The following SLC39A10 variants were observed in gnomAD, a reference collection of about 807,000 sequenced individuals.
SLC39A10 encodes the protein zinc transporter ZIP10.
A neutral mutation model predicts 65.1 loss-of-function variants in SLC39A10; 13 were observed. The ratio of observed to expected loss-of-function variants is 0.20; its 90% CI spans 0.13 to 0.32. The LOEUF is 0.32. Among genes scored for constraint, SLC39A10 ranks in the 10% least tolerant of loss-of-function variants. The pLI is 1.00. For synonymous variants in SLC39A10, 321 were observed against 342.2 expected (o/e 0.94, Z 0.68); for missense variants, 831 against 1,018.4 (o/e 0.82, Z 2.50).
chr2:195,657,548 C>T (rs1689198236), intron 1 of SLC39A10: 1 of 983,670 alleles, frequency 1.0e-6, no homozygotes, highest in South Asian at 4.7e-5. Context: ...GCCGCGGGAT[C>T]GGGAGCCGGC....
intron 1 of SLC39A10, among the ~76,000 whole-genome samples, chr2:195,672,482 T>C (rs1647134501): frequency 6.6e-6 from 1 of 152,154 alleles, no homozygotes; most frequent in Non-Finnish European, 1.5e-5. Flanking sequence ...AAACTAAAGT[T>C]GCAAAGTTAG....
At chr2:195,729,961 ATTTTTT>A (rs58936616) in intron 9 of SLC39A10, among the ~76,000 whole-genome samples, 27 of 92,138 alleles carry the variant, frequency 2.9e-4, no homozygotes, top group Middle Eastern at 9.3e-3. Context: ...ACCATGCCTA[ATTTTTT>A]TTTTTTTTTT....
intron 2 of SLC39A10, among the ~76,000 whole-genome samples, chr2:195,633,776 C>A (rs1172234211): frequency 6.6e-6 from 1 of 152,112 alleles, no homozygotes; most frequent in Non-Finnish European, 1.5e-5. Context: ...AGTCAAACTA[C>A]TTCTCTCCAA....
chr2:195,650,744 T>C (rs1484226568), intron 2 of SLC39A10, among the ~76,000 whole-genome samples: 4 of 152,162 alleles, frequency 2.6e-5, no homozygotes, highest in Non-Finnish European at 5.9e-5. Context: ...CTCGGTTTTA[T>C]TGCACAAGCC....
intron 8 of SLC39A10, among the ~76,000 whole-genome samples, chr2:195,724,489 A>G (rs1042650993): frequency 6.6e-6 from 1 of 152,232 alleles, no homozygotes; most frequent in Non-Finnish European, 1.5e-5. Context: ...AAAATGAAAT[A>G]ATTCACTTGA....
chr2:195,617,714 C>CTTTTATTTTATTTTATTTTA (rs1553490663), intron 2 of SLC39A10, among the ~76,000 whole-genome samples: 2 of 147,058 alleles, frequency 1.4e-5, no homozygotes, highest in Non-Finnish European at 1.5e-5. Context: ...CTTTTCTTTT[C>CTTTTATTTTATTTTATTTTA]TTTTCTTTTC....
Position 195,728,038 on chromosome 2 carries a change from C to A in SLC39A10, c.2147-121C>A. The A allele has an allele frequency of 1.2e-6, 1 of 862,340 alleles. No individual in the cohort carries two copies. The highest frequency in any genetic ancestry group is 1.7e-6 in the Non-Finnish European group (1 of 575,006). 53.4% of individuals were successfully genotyped at this position (862,340 alleles called of 1,614,324 possible). ...AATAAGTAAAATATTTTATATATCA[C>A]ATAAAATACTGTTATTAAAAGTGTG... On this transcript the variant is annotated intron_variant, in intron 8 of 9. Coordinates refer to ENST00000359634, the MANE Select transcript of SLC39A10 (RefSeq NM_020342.3). The surrounding 1 kb of genome is among the most constrained non-coding windows in gnomAD (Gnocchi z 4.4).
At chr2:195,713,589 CTTTT>C in intron 6 of SLC39A10, 36 bp downstream of exon 6, 1 of 1,224,168 alleles carries the variant, frequency 8.2e-7, no homozygotes, top group Non-Finnish European at 1.1e-6. Flanking sequence ...AAACTTTTTT[CTTTT>C]TTTTTTTTCA....
At chr2:195,726,435 C>T (rs942637899) in intron 8 of SLC39A10, among the ~76,000 whole-genome samples, 1 of 151,950 alleles carries the variant, frequency 6.6e-6, no homozygotes, top group African/African-American at 2.4e-5. Flanking sequence ...GGAGCTCTTT[C>T]CACAGAGAAA....
chr2:195,660,164 CTTAACCA>C (rs1689330958), intron 1 of SLC39A10, among the ~76,000 whole-genome samples: 1 of 152,166 alleles, frequency 6.6e-6, no homozygotes, highest in African/African-American at 2.4e-5. Context: ...TGAATCAAAA[CTTAACCA>C]TTATGGTTAG....
chr2:195,649,056 G>A (rs534291057), intron 2 of SLC39A10, among the ~76,000 whole-genome samples: 2 of 152,090 alleles, frequency 1.3e-5, no homozygotes, highest in Non-Finnish European at 2.9e-5. Flanking sequence ...AGCATGATGG[G>A]TCGCTAACCA....
chr2:195,664,140 A>C (rs540949746), intron 1 of SLC39A10, among the ~76,000 whole-genome samples: 172 of 35,588 alleles, frequency 4.8e-3, no homozygotes, highest in African/African-American at 0.011. Context: ...CTTTAAATTC[A>C]CTGTAAATAT....
At position 195,680,273 on chromosome 2, in the gene SLC39A10, A is replaced by G; in HGVS notation, c.231A>G (p.Leu77=). Residue 77 remains leucine (L), a synonymous_variant, in exon 2 of 10, where the codon TTA becomes TTG. Transcript: ENST00000359634. The part of the protein sequence containing the change: ...LFERYGENGR[L]SFFGLEKLLT... ...AGCGTTATGGTGAAAATGGAAGATTATCCTTTTTTGGTTTGGAGAAACTTT... is the reference window on the plus strand; with the variant it reads ...AGCGTTATGGTGAAAATGGAAGATTGTCCTTTTTTGGTTTGGAGAAACTTT... 6.2e-7 allele frequency: 1 copy of G among 1,614,076 alleles called. No individual in the cohort carries two copies. Among genetic ancestry groups the G allele is most frequent in the Non-Finnish European group, 8.5e-7 (1 of 1,180,024 alleles).
At chr2:195,615,045 C>A (rs1400928464) in intron 2 of SLC39A10, among the ~76,000 whole-genome samples, 1 of 152,032 alleles carries the variant, frequency 6.6e-6, no homozygotes, top group Admixed American at 6.6e-5. Context: ...AACAGTGAGA[C>A]CTTGTCTCAA....
intron 1 of SLC39A10, chr2:195,657,658 G>GGCGGGTGGCGGCGGTTAGGGGGCTGC: frequency 1.0e-6 from 1 of 982,710 alleles, no homozygotes; most frequent in Non-Finnish European, 1.2e-6. Context: ...GTGACCGCTG[G>GGCGGGTGGCGGCGGTTAGGGGGCTGC]GCGGGTGGCG....
chr2:195,661,083 A>G (rs1036734430), intron 1 of SLC39A10, among the ~76,000 whole-genome samples: 5 of 152,178 alleles, frequency 3.3e-5, no homozygotes, highest in African/African-American at 1.2e-4. Context: ...CAGTTTACAC[A>G]CAGATATTAT....
At chr2:195,708,057 T>C (rs114900032) in intron 4 of SLC39A10, among the ~76,000 whole-genome samples, 139 of 152,260 alleles carry the variant, frequency 9.1e-4, no homozygotes, top group African/African-American at 3.3e-3. Flanking sequence ...TCTTGCTAAC[T>C]TTCCACAGTA....
intron 1 of SLC39A10, among the ~76,000 whole-genome samples, chr2:195,659,915 G>A (rs941258845): frequency 6.6e-6 from 1 of 151,918 alleles, no homozygotes; most frequent in African/African-American, 2.4e-5. Flanking sequence ...CTGGGCCTTT[G>A]GGGGGGATAC....
upstream of SLC39A10, chr2:195,656,763 G>C (rs1052969809): frequency 2.0e-5 from 3 of 152,228 alleles, no homozygotes; most frequent in Admixed American, 1.3e-4. Flanking sequence ...TCACTCTGAA[G>C]CTTTTTGGCT....
Sources: allele counts gnomAD v4.1 joint callset (sites outside exome capture counted in the v4.1 genomes callset), GRCh38; gene constraint gnomAD v4.1.1; non-coding constraint Gnocchi (gnomAD v3.1); transcripts MANE v1.5; gene names NCBI Gene and HGNC (gene_info 2026-07-23, HGNC 2026-07-21).